Variants in NREP observed in about 807,000 individuals in gnomAD.
NREP encodes the protein neuronal regeneration related protein.
NREP carries 5 observed loss-of-function variants against 8.6 expected under a neutral mutation model. The ratio of observed to expected loss-of-function variants is 0.58; its 90% CI spans 0.30 to 1.22. The LOEUF (loss-of-function observed/expected upper bound fraction) is 1.22, where lower values mean the gene tolerates loss of function less well. NREP is among the 50% of genes most tolerant of loss of function. The pLI is 0.07. For synonymous variants in NREP, 27 were observed against 28.0 expected (o/e 0.96, Z 0.11); for missense variants, 86 against 82.5 (o/e 1.04, Z -0.17).
intron 2 of NREP, among the ~76,000 whole-genome samples, chr5:111,823,815 A>C (rs771780137): frequency 1.3e-5 from 2 of 152,174 alleles, no homozygotes; most frequent in Non-Finnish European, 2.9e-5. Context: ...TACTTATTCT[A>C]ATAAAATCAT....
intron 2 of NREP, among the ~76,000 whole-genome samples, chr5:111,811,904 A>C (rs1296674667): frequency 3.3e-5 from 5 of 152,218 alleles, no homozygotes; most frequent in African/African-American, 1.2e-4. Flanking sequence ...ATATAACTTA[A>C]AGAAATTAAA....
chr5:111,749,055 G>A (rs937909629), intron 2 of NREP, among the ~76,000 whole-genome samples: 2 of 152,062 alleles, frequency 1.3e-5, no homozygotes, highest in African/African-American at 4.8e-5. Flanking sequence ...ATAAGCAAAG[G>A]CACAGAAAGA....
chr5:111,731,090 G>A lies in NREP; in HGVS notation c.82-44C>T, dbSNP rs763611552. The A allele has an allele frequency of 3.1e-6, 5 of 1,594,396 alleles. No homozygotes were observed. The Admixed American group carries it at 8.7e-5, about 28-fold the overall frequency. On this transcript the variant is annotated intron_variant, in intron 3 of 3. Transcript: ENST00000257435. ...CACACACAGACAGACACACATAAAA[G>A]ACAAAATTAGTCATGCTTCTGAAAC...
intron 2 of NREP, among the ~76,000 whole-genome samples, chr5:111,840,554 A>G (rs1401166566): frequency 6.6e-6 from 1 of 152,092 alleles, no homozygotes; most frequent in Non-Finnish European, 1.5e-5. Flanking sequence ...TTCTCAATTG[A>G]GTCTGAGACT....
chr5:111,856,774 C>T (rs1015565896), intron 2 of NREP, among the ~76,000 whole-genome samples: 1 of 151,272 alleles, frequency 6.6e-6, no homozygotes, highest in Non-Finnish European at 1.5e-5. Context: ...GGTTTGATGA[C>T]TTGCTTCAGA....
At chr5:111,965,532 C>T (rs922524869) in intron 2 of NREP, among the ~76,000 whole-genome samples, 1 of 152,162 alleles carries the variant, frequency 6.6e-6, no homozygotes, top group Non-Finnish European at 1.5e-5. Flanking sequence ...CCCATAAGCT[C>T]ACCATTGCCC....
At chr5:111,969,601 A>T (rs1453456093) in intron 2 of NREP, 2 of 152,232 alleles carry the variant, frequency 1.3e-5, no homozygotes, top group Non-Finnish European at 2.9e-5. Context: ...AAAAGGTGTC[A>T]TGTTGAAGCA....
In NREP at chr5:111,919,973, A is replaced by AC. The variant is rs34120230; in HGVS notation, c.135+55300dup. 2.2e-3 allele frequency among the ~76,000 whole-genome samples: 279 copies of AC among 127,424 alleles called. 5 individuals carry two copies. Among genetic ancestry groups the AC allele is most frequent in the Non-Finnish European group, 3.0e-3 (177 of 59,952 alleles). The allele number at this position is 127,424 out of a possible 152,430, so 83.6% of individuals were successfully genotyped here. A position where few individuals can be genotyped will look rare whatever the true frequency, so the allele number is the denominator to read the frequency against. On this transcript the variant is annotated intron_variant, in intron 2 of 3. Transcript: ENST00000395634. ...AACTGAATTAATTAATAAAAAGAAT[A>AC]CCCCCCCCCCCCACACACACAAAGA...
chr5:111,877,224 G>GGTT (rs1013639040), intron 2 of NREP, among the ~76,000 whole-genome samples: 3 of 152,082 alleles, frequency 2.0e-5, no homozygotes, highest in Non-Finnish European at 2.9e-5. Context: ...CTTCATTCTT[G>GGTT]GTTGCTGCTG....
In NREP at chr5:111,771,426, TACACACACAC is replaced by T. The variant is rs111799670; in HGVS notation, c.136-35929_136-35920del. Among the ~76,000 whole-genome samples, 674 of 147,302 alleles carry T rather than the reference TACACACACAC, an allele frequency of 4.6e-3. 2 individuals are homozygous for T. Among genetic ancestry groups the T allele is most frequent in the Middle Eastern group, 0.01 (3 of 292 alleles). ...CCTGGTGAGAGGCTTCATAGTCTTT[TACACACACAC>T]ACACACACACACACACACACACACA... On this transcript the variant is annotated intron_variant, in intron 2 of 3. Transcript: ENST00000395634.
intron 2 of NREP, among the ~76,000 whole-genome samples, chr5:111,965,147 T>G (rs935440881): frequency 6.6e-6 from 1 of 152,126 alleles, no homozygotes; most frequent in Non-Finnish European, 1.5e-5. Flanking sequence ...CAATCATGAC[T>G]ACACCCGGAG....
chr5:111,938,517 G>A (rs891432947), intron 2 of NREP, among the ~76,000 whole-genome samples: 1 of 152,064 alleles, frequency 6.6e-6, no homozygotes, highest in East Asian at 1.9e-4. Context: ...TCAGTATGGT[G>A]TAATGGCTGA....
rs146518716 is a variant in NREP, at chr5:111,862,642, A to G, written c.135+112632T>C. On this transcript the variant is annotated intron_variant, in intron 2 of 3. Transcript: ENST00000395634. ...GTCCAGAAGAAGATCAACTTTATTT[A>G]TCCTTCAACTTTTATCACGTAACTC... 1.8e-3 allele frequency among the ~76,000 whole-genome samples: 273 copies of G among 152,180 alleles called. 3 individuals carry two copies. Among genetic ancestry groups the G allele is most frequent in the African/African-American group, 6.4e-3 (265 of 41,552 alleles).
intron 2 of NREP, among the ~76,000 whole-genome samples, chr5:111,799,793 G>A (rs190610713): frequency 6.6e-6 from 1 of 152,222 alleles, no homozygotes; most frequent in Non-Finnish European, 1.5e-5. Context: ...TTGTAACTAA[G>A]ACATTTCTAA....
At chr5:111,946,446 C>T (rs1755986353) in intron 2 of NREP, among the ~76,000 whole-genome samples, 1 of 151,992 alleles carries the variant, frequency 6.6e-6, no homozygotes, top group South Asian at 2.1e-4. Context: ...ATCTGAATAA[C>T]AAAACCAGAA....
chr5:111,827,842 C>CA (rs1056991514), intron 2 of NREP, among the ~76,000 whole-genome samples: 2 of 151,780 alleles, frequency 1.3e-5, no homozygotes, highest in African/African-American at 4.8e-5. Flanking sequence ...GACTCTGTCT[C>CA]AAAAAACAAA....
At chr5:111,873,089 C>A (rs906405319) in intron 2 of NREP, among the ~76,000 whole-genome samples, 1 of 152,066 alleles carries the variant, frequency 6.6e-6, no homozygotes, top group Admixed American at 6.6e-5. Context: ...AATAAAAATA[C>A]CTACCTCAAT....
At chr5:111,842,205 T>C (rs990740739) in intron 2 of NREP, among the ~76,000 whole-genome samples, 27 of 152,154 alleles carry the variant, frequency 1.8e-4, no homozygotes, top group Non-Finnish European at 4.4e-5. Context: ...ATCTCCACTC[T>C]CCAAACTTCT....
upstream of NREP, chr5:111,757,971 G>A (rs2112858917): frequency 1.0e-6 from 1 of 985,548 alleles, no homozygotes; most frequent in African/African-American, 1.7e-5. Flanking sequence ...CTGAGGAAAA[G>A]AGGACGGCGA....
Sources: gnomAD v4.1 joint callset for allele counts (sites outside exome capture counted in the v4.1 genomes callset) on GRCh38, gnomAD v4.1.1 for gene constraint, MANE v1.5 for transcripts, NCBI Gene and HGNC (gene_info 2026-07-23, HGNC 2026-07-21) for gene names.